The following PLPPR1 variants were observed in gnomAD, a reference collection of about 807,000 sequenced individuals.
PLPPR1 encodes the protein phospholipid phosphatase-related protein type 1.
PLPPR1 carries 10 observed loss-of-function variants against 33.1 expected under a neutral mutation model. The observed-to-expected ratio is 0.30, with a 90% CI of 0.19 to 0.51. PLPPR1 has a LOEUF of 0.51. Ranked by LOEUF, PLPPR1 falls within the 20% of genes least tolerant of loss-of-function variation. PLPPR1 has a pLI of 0.97. For missense variants in PLPPR1, 304 were observed against 408.1 expected (o/e 0.74, Z 2.20); for synonymous variants, 151 against 151.0 (o/e 1.00, Z 0.00).
At chr9:101,109,559 T>G (rs1390420159) in intron 1 of PLPPR1, among the ~76,000 whole-genome samples, 2 of 152,220 alleles carry the variant, frequency 1.3e-5, no homozygotes, top group African/African-American at 4.8e-5. Context: ...ATTCAAAATG[T>G]ACTCACTGAG....
chr9:101,316,305 T>TG (rs1376661491), intron 6 of PLPPR1, among the ~76,000 whole-genome samples: 2 of 151,680 alleles, frequency 1.3e-5, no homozygotes, highest in African/African-American at 4.8e-5. Context: ...GGCGTGCTGG[T>TG]GGGTGCCTGT....
intron 3 of PLPPR1, among the ~76,000 whole-genome samples, chr9:101,278,145 A>G (rs529105904): frequency 6.6e-6 from 1 of 152,348 alleles, no homozygotes; most frequent in South Asian, 2.1e-4. Flanking sequence ...TTGCAACCAC[A>G]TATAACATGC....
In PLPPR1 at chr9:101,107,814, A is replaced by T. The variant is rs539199592; in HGVS notation, c.-45-77636A>T. On this transcript the variant is annotated intron_variant, in intron 1 of 7. Transcript: ENST00000374874. The stretch of plus-strand genomic sequence containing the variant: ...GCAATCAGCGAGATTCCGTGGGCGT[A>T]GGACCCTCTCAGCCAGGTGTGGGAT... 3.8e-4 allele frequency among the ~76,000 whole-genome samples: 57 copies of T among 148,278 alleles called. 1 individual carries two copies. The highest frequency in any genetic ancestry group is 1.4e-3 in the African/African-American group (56 of 39,486).
chr9:101,207,580 T>C (rs1196685180), intron 2 of PLPPR1, among the ~76,000 whole-genome samples: 1 of 152,076 alleles, frequency 6.6e-6, no homozygotes, highest in African/African-American at 2.4e-5. Flanking sequence ...AACCTAAGTG[T>C]CTTCTCCTTA....
chr9:101,272,951 G>T (rs1828126140), intron 3 of PLPPR1, among the ~76,000 whole-genome samples: 2 of 152,150 alleles, frequency 1.3e-5, no homozygotes, highest in African/African-American at 2.4e-5. Context: ...TTTGTATATA[G>T]GGATGTTCAT....
At chr9:101,312,229 G>A (rs1251915469) in intron 5 of PLPPR1, among the ~76,000 whole-genome samples, 1 of 152,226 alleles carries the variant, frequency 6.6e-6, no homozygotes, top group Non-Finnish European at 1.5e-5. Context: ...ACCTATTTAT[G>A]TGATGCAGTT....
At chr9:101,302,970 AG>A (rs1263689443) in intron 4 of PLPPR1, among the ~76,000 whole-genome samples, 1 of 152,090 alleles carries the variant, frequency 6.6e-6, no homozygotes, top group African/African-American at 2.4e-5. Flanking sequence ...TCTTTTTAAC[AG>A]TTTATTTTTG....
intron 2 of PLPPR1, among the ~76,000 whole-genome samples, chr9:101,224,690 C>T (rs916303010): frequency 2.0e-5 from 3 of 152,160 alleles, no homozygotes; most frequent in African/African-American, 7.2e-5. Context: ...GTCAGTGCCA[C>T]AGTCTGGCTG....
At chr9:101,234,497 C>T (rs902752647) in intron 2 of PLPPR1, among the ~76,000 whole-genome samples, 4 of 151,464 alleles carry the variant, frequency 2.6e-5, no homozygotes, top group African/African-American at 9.7e-5. Context: ...TGACTTGGTT[C>T]GTATCATGTC....
chr9:101,324,107 T>C lies in PLPPR1; in HGVS notation c.*50T>C. 6.6e-7 allele frequency: 1 copy of C among 1,515,166 alleles called. No individual in the cohort carries two copies. Among genetic ancestry groups the C allele is most frequent in the Non-Finnish European group, 9.2e-7 (1 of 1,092,176 alleles). 93.9% of individuals were successfully genotyped at this position (1,515,166 alleles called of 1,614,324 possible). A position where few individuals can be genotyped will look rare whatever the true frequency, so the allele number is the denominator to read the frequency against. The stretch of plus-strand genomic sequence containing the variant: ...TTTTTAAAATCATCTTCCAATTCTA[T>C]ACTTCAAAACACACAGTTGCTCAAT... On this transcript the variant is annotated 3_prime_UTR_variant, in exon 8 of 8. Coordinates refer to ENST00000374874, the MANE Select transcript of PLPPR1 (RefSeq NM_207299.2).
At chr9:101,219,511 A>G (rs1428534737) in intron 2 of PLPPR1, among the ~76,000 whole-genome samples, 4 of 152,206 alleles carry the variant, frequency 2.6e-5, no homozygotes, top group Admixed American at 2.6e-4. Flanking sequence ...CAGAATTTGC[A>G]AATTCTCTCA....
At chr9:101,029,609 T>G (rs548338938) in intron 1 of PLPPR1, among the ~76,000 whole-genome samples, 232 of 152,318 alleles carry the variant, frequency 1.5e-3, no homozygotes, top group African/African-American at 5.3e-3. Context: ...CTTCCACCCC[T>G]CTGCGTCCTA....
At chr9:101,137,813 A>G (rs1163915827) in intron 1 of PLPPR1, among the ~76,000 whole-genome samples, 1 of 152,216 alleles carries the variant, frequency 6.6e-6, no homozygotes, top group Non-Finnish European at 1.5e-5. Flanking sequence ...CAAATTTCCT[A>G]AACATCCATG....
In PLPPR1 at chr9:101,079,306, T is replaced by C. The variant is rs374411490; in HGVS notation, c.-46+50204T>C. On this transcript the variant is annotated intron_variant, in intron 1 of 7. Transcript: ENST00000374874. ...TTTTCTGCTTTCTTGTGTAAAATCC[T>C]CTGTTTCCTGAAATTCATTATTTCT... Among the ~76,000 whole-genome samples the C allele has an allele frequency of 3.9e-5, 6 of 152,094 alleles. No individual in the cohort carries two copies. The East Asian group carries it at 7.7e-4, about 20-fold the overall frequency.
chr9:101,306,582 G>T (rs555815904), intron 4 of PLPPR1, among the ~76,000 whole-genome samples: 1 of 152,312 alleles, frequency 6.6e-6, no homozygotes, highest in East Asian at 1.9e-4. Flanking sequence ...CTGGACTTTT[G>T]TGTCTGTTGT....
At chr9:101,118,324 G>A (rs1831139398) in intron 1 of PLPPR1, among the ~76,000 whole-genome samples, 1 of 152,218 alleles carries the variant, frequency 6.6e-6, no homozygotes, top group Non-Finnish European at 1.5e-5. Flanking sequence ...ATATCCAAGG[G>A]AGAGAATGTG....
chr9:101,198,136 A>G (rs61131897), intron 2 of PLPPR1, among the ~76,000 whole-genome samples: 36 of 152,226 alleles, frequency 2.4e-4, no homozygotes, highest in African/African-American at 8.2e-4. Flanking sequence ...TTAGTACTAT[A>G]TTTTCTACAT....
At position 101,181,169 on chromosome 9, in the gene PLPPR1, AAT is replaced by A. The variant is rs748615734; in HGVS notation, c.-45-4272_-45-4271del. Among the ~76,000 whole-genome samples the A allele has an allele frequency of 5.4e-5, 8 of 147,506 alleles. No individual in the cohort carries two copies. The East Asian group carries it at 7.8e-4, about 14-fold the overall frequency. On this transcript the variant is annotated intron_variant, in intron 1 of 7. Coordinates refer to ENST00000374874, the MANE Select transcript of PLPPR1 (RefSeq NM_207299.2). ...TATATTAGATATGTAATATATATCT[AAT>A]ATATATATTTATAAATTTATATATA...
chr9:101,080,183 C>T (rs1303438378), intron 1 of PLPPR1, among the ~76,000 whole-genome samples: 1 of 152,068 alleles, frequency 6.6e-6, no homozygotes, highest in African/African-American at 2.4e-5. Flanking sequence ...TCTCTGCATA[C>T]TATGGAGAGA....
Sources: allele counts gnomAD v4.1 joint callset (sites outside exome capture counted in the v4.1 genomes callset), GRCh38; gene constraint gnomAD v4.1.1; transcripts MANE v1.5; gene names NCBI Gene and HGNC (gene_info 2026-07-23, HGNC 2026-07-21).